The following SLIT3 variants were observed in gnomAD, a reference collection of about 807,000 sequenced individuals.
SLIT3 encodes the protein slit homolog 3 protein.
SLIT3 carries 68 observed loss-of-function variants against 184.0 expected under a neutral mutation model. That is an observed-to-expected ratio of 0.37 (90% CI 0.30 to 0.45). The LOEUF is 0.45. SLIT3 is among the 20% of genes least tolerant of loss of function. The pLI is 1.00. For missense variants in SLIT3, 1,707 were observed against 2,026.0 expected, an observed-to-expected ratio of 0.84 and a Z score of 3.02; for synonymous variants, 831 against 828.6, an observed-to-expected ratio of 1.00 and a Z score of -0.05.
intron 2 of SLIT3, among the ~76,000 whole-genome samples, chr5:169,250,233 T>C (rs935011717): frequency 6.6e-6 from 1 of 152,202 alleles, no homozygotes; most frequent in African/African-American, 2.4e-5. Flanking sequence ...TATGTAATAC[T>C]GTGCTGAGCC....
chr5:168,781,994 C>T (rs936927462), intron 12 of SLIT3, among the ~76,000 whole-genome samples: 1 of 152,128 alleles, frequency 6.6e-6, no homozygotes, highest in Non-Finnish European at 1.5e-5. Context: ...TTAGCAGTTT[C>T]GGGTCCTGAA....
At chr5:168,779,605 G>A (rs1310515224) in intron 12 of SLIT3, among the ~76,000 whole-genome samples, 2 of 152,218 alleles carry the variant, frequency 1.3e-5, no homozygotes, top group African/African-American at 2.4e-5. Context: ...GCTGCTGAGA[G>A]CTCTTGCTTT....
At chr5:169,119,816 T>C (rs770506347) in intron 4 of SLIT3, 22 of 152,224 alleles carry the variant, frequency 1.4e-4, no homozygotes, top group Non-Finnish European at 3.1e-4. Flanking sequence ...TTCTTCTGAC[T>C]GGAAATGTTT....
intron 3 of SLIT3, among the ~76,000 whole-genome samples, chr5:169,219,572 C>G (rs1047544634): frequency 6.6e-6 from 1 of 151,784 alleles, no homozygotes; most frequent in Non-Finnish European, 1.5e-5. Flanking sequence ...GGGGAGCTAT[C>G]TGAGCTGTGC....
chr5:169,257,378 TCCCCGCCCCCA>T lies in SLIT3; in HGVS notation c.198-5930_198-5920del, dbSNP rs1481175602. 4.0e-4 allele frequency among the ~76,000 whole-genome samples: 5 copies of T among 12,490 alleles called. No individual in the cohort carries two copies. In the South Asian group the frequency reaches 0.011, roughly 27 times the overall value. The allele number at this position is 12,490 out of a possible 152,430, so 8.2% of individuals were successfully genotyped here. A position where few individuals can be genotyped will look rare whatever the true frequency, so the allele number is the denominator to read the frequency against. On this transcript the variant is annotated intron_variant, in intron 1 of 35. Transcript: ENST00000519560. ...ATCCCCACAGCCCCCCACCCCAACC[TCCCCGCCCCCA>T]CCCCGCCCCACAACCATTTACACAC...
At chr5:169,108,685 C>T (rs1760304517) in intron 4 of SLIT3, among the ~76,000 whole-genome samples, 1 of 152,098 alleles carries the variant, frequency 6.6e-6, no homozygotes, top group African/African-American at 2.4e-5. Context: ...GGAAGTCCCT[C>T]CACATGCCAT....
intron 5 of SLIT3, among the ~76,000 whole-genome samples, chr5:168,868,747 C>CAGAAAAAAAAA (rs869113329): frequency 1.4e-5 from 1 of 69,324 alleles, no homozygotes. Flanking sequence ...GAATCTGCCT[C>CAGAAAAAAAAA]AAAAAAAAAA....
chr5:169,175,740 T>C (rs1045733488), intron 4 of SLIT3, among the ~76,000 whole-genome samples: 3 of 152,188 alleles, frequency 2.0e-5, no homozygotes. Context: ...GACAAGCTGG[T>C]AATATCTGCA....
rs138973133 is a variant in SLIT3 at position 169,061,910 on chromosome 5, A to T, written c.413+131569T>A. On this transcript the variant is annotated intron_variant, in intron 4 of 35. Transcript: ENST00000519560. ...TCTGGGGCCAGAAAGGGAACCAGAG[A>T]GACTGAGTCTATCCCACTGCCTTGG... Among the ~76,000 whole-genome samples the T allele has an allele frequency of 4.2e-4, 64 of 152,298 alleles. 1 individual carries two copies. The highest frequency in any genetic ancestry group is 1.5e-3 in the African/African-American group (63 of 41,572).
At chr5:169,111,778 G>T (rs1760417635) in intron 4 of SLIT3, among the ~76,000 whole-genome samples, 1 of 152,126 alleles carries the variant, frequency 6.6e-6, no homozygotes, top group Admixed American at 6.6e-5. Context: ...ATAAATAAAA[G>T]ACTTTATTCA....
At chr5:168,880,613 T>C (rs1384904873) in intron 5 of SLIT3, among the ~76,000 whole-genome samples, 1 of 152,250 alleles carries the variant, frequency 6.6e-6, no homozygotes, top group Non-Finnish European at 1.5e-5. Context: ...GTTATTCATA[T>C]GCATTATTTT....
chr5:168,820,008 TCAAGC>T, intron 7 of SLIT3, among the ~76,000 whole-genome samples: 1 of 151,842 alleles, frequency 6.6e-6, no homozygotes, highest in Non-Finnish European at 1.5e-5. Flanking sequence ...GCTAAAAGAG[TCAAGC>T]TGGGTAGATT....
intron 4 of SLIT3, among the ~76,000 whole-genome samples, chr5:169,105,133 T>C (rs754216131): frequency 6.6e-6 from 1 of 152,166 alleles, no homozygotes; most frequent in Non-Finnish European, 1.5e-5. Context: ...AGATCCACAA[T>C]TTCGATTTCC....
chr5:169,065,726 C>T (rs1758330674), intron 4 of SLIT3, among the ~76,000 whole-genome samples: 1 of 152,202 alleles, frequency 6.6e-6, no homozygotes, highest in African/African-American at 2.4e-5. Context: ...TCCCGGATAG[C>T]CCATTCCATA....
intron 30 of SLIT3, among the ~76,000 whole-genome samples, chr5:168,686,705 C>T (rs1375421080): frequency 6.6e-6 from 1 of 152,226 alleles, no homozygotes; most frequent in Non-Finnish European, 1.5e-5. Flanking sequence ...CCAAGCATGA[C>T]ATTACACAAG....
intron 4 of SLIT3, among the ~76,000 whole-genome samples, chr5:168,910,811 A>T (rs1370635574): frequency 6.6e-6 from 1 of 152,068 alleles, no homozygotes; most frequent in Non-Finnish European, 1.5e-5. Flanking sequence ...GTAATAACAA[A>T]CATATCTGTA....
chr5:169,074,306 A>G (rs1758658766), intron 4 of SLIT3, among the ~76,000 whole-genome samples: 1 of 152,164 alleles, frequency 6.6e-6, no homozygotes, highest in Non-Finnish European at 1.5e-5. Flanking sequence ...GTCACCCAAT[A>G]TCATTTTTAA....
At chr5:169,018,650 T>C (rs1756484566) in intron 4 of SLIT3, 1 of 152,212 alleles carries the variant, frequency 6.6e-6, no homozygotes, top group Non-Finnish European at 1.5e-5. Flanking sequence ...GGGTAATTTT[T>C]TTCTCTGTCT....
chr5:169,080,954 G>A (rs1055068256), intron 4 of SLIT3, among the ~76,000 whole-genome samples: 18 of 152,194 alleles, frequency 1.2e-4, no homozygotes, highest in Admixed American at 1.1e-3. Flanking sequence ...GTACCCTGGA[G>A]AAGCCAACAG....
Sources: gnomAD v4.1 joint callset for allele counts (sites outside exome capture counted in the v4.1 genomes callset) on GRCh38, gnomAD v4.1.1 for gene constraint, MANE v1.5 for transcripts, NCBI Gene and HGNC (gene_info 2026-07-23, HGNC 2026-07-21) for gene names.